The following SAMMSON variants were observed in gnomAD, a reference collection of about 807,000 sequenced individuals.
SAMMSON encodes the protein survival associated mitochondrial melanoma specific oncogenic non-coding RNA, also known as long intergenic non-protein coding RNA 1212.
At chr3:70,384,391 G>C (rs1703103375) in intron 9 of SAMMSON, among the ~76,000 whole-genome samples, 4 of 151,942 alleles carry the variant, frequency 2.6e-5, no homozygotes. Context: ...TTATAATATA[G>C]AACACTTTAG....
chr3:70,161,691 T>C (rs2067616205), intron 4 of SAMMSON, among the ~76,000 whole-genome samples: 1 of 151,868 alleles, frequency 6.6e-6, no homozygotes, highest in Admixed American at 6.6e-5. Flanking sequence ...CATAAAATGA[T>C]TTCAGAAGTT....
intron 1 of SAMMSON, among the ~76,000 whole-genome samples, chr3:70,003,547 C>A (rs2066914500): frequency 6.6e-6 from 1 of 151,748 alleles, no homozygotes; most frequent in South Asian, 2.1e-4. Flanking sequence ...AATATTAGGA[C>A]TTTTAACTTT....
chr3:70,295,277 C>T (rs980641114), intron 7 of SAMMSON, among the ~76,000 whole-genome samples: 5 of 152,128 alleles, frequency 3.3e-5, no homozygotes, highest in African/African-American at 4.8e-5. Context: ...TTATTTATAG[C>T]TTTGGAAACT....
At chr3:70,167,815 G>A (rs1187123908) in intron 4 of SAMMSON, among the ~76,000 whole-genome samples, 4 of 151,938 alleles carry the variant, frequency 2.6e-5, no homozygotes, top group Non-Finnish European at 5.9e-5. Context: ...ACAGCGATAG[G>A]CTTCATAGTA....
chr3:70,364,785 G>A (rs1259313974), intron 9 of SAMMSON, among the ~76,000 whole-genome samples: 2 of 151,512 alleles, frequency 1.3e-5, no homozygotes, highest in African/African-American at 4.8e-5. Flanking sequence ...CACCTTTTAT[G>A]TTTTTAATCT....
intron 4 of SAMMSON, among the ~76,000 whole-genome samples, chr3:70,154,456 A>C (rs1459651061): frequency 3.3e-5 from 5 of 151,996 alleles, no homozygotes; most frequent in African/African-American, 1.2e-4. Context: ...TAAGCACTGT[A>C]TTACATTGCC....
At chr3:70,111,092 A>G (rs899594448) in intron 4 of SAMMSON, among the ~76,000 whole-genome samples, 1 of 152,098 alleles carries the variant, frequency 6.6e-6, no homozygotes, top group African/African-American at 2.4e-5. Context: ...ATGATGTCCA[A>G]ATCCATTGGT....
At chr3:70,216,259 T>A (rs1239723978) in intron 4 of SAMMSON, among the ~76,000 whole-genome samples, 1 of 150,284 alleles carries the variant, frequency 6.7e-6, no homozygotes, top group Non-Finnish European at 1.5e-5. Context: ...CATAATTAGA[T>A]TAATAACAAA....
intron 4 of SAMMSON, among the ~76,000 whole-genome samples, chr3:70,112,435 GA>G (rs760437259): frequency 2.8e-4 from 43 of 152,182 alleles, no homozygotes; most frequent in Non-Finnish European, 5.4e-4. Flanking sequence ...GAGAAAAATG[GA>G]AACATTGGAA....
intron 4 of SAMMSON, among the ~76,000 whole-genome samples, chr3:70,076,903 A>G (rs570416370): frequency 1.3e-5 from 2 of 152,232 alleles, no homozygotes; most frequent in South Asian, 4.1e-4. Flanking sequence ...TCAGGGGCTG[A>G]AAAAAATTAT....
chr3:70,250,236 T>C (rs554197690), intron 6 of SAMMSON, among the ~76,000 whole-genome samples: 1 of 152,186 alleles, frequency 6.6e-6, no homozygotes, highest in African/African-American at 2.4e-5. Context: ...CTTCTCATCT[T>C]GTGCTGCTGA....
At chr3:70,339,597 A>G (rs1214937839) in intron 7 of SAMMSON, among the ~76,000 whole-genome samples, 2 of 152,226 alleles carry the variant, frequency 1.3e-5, no homozygotes, top group Non-Finnish European at 2.9e-5. Context: ...GGCGAAGGAT[A>G]TGAACAGATA....
chr3:70,134,666 G>T (rs7432363), intron 4 of SAMMSON, among the ~76,000 whole-genome samples: 1 of 151,916 alleles, frequency 6.6e-6, no homozygotes, highest in African/African-American at 2.4e-5. Flanking sequence ...CAGTAAAATA[G>T]AAAAACATTT....
chr3:70,211,818 C>A lies in SAMMSON; in HGVS notation n.508-37289C>A, dbSNP rs181743923. 6.4e-3 allele frequency among the ~76,000 whole-genome samples: 951 copies of A among 147,958 alleles called. 8 individuals carry two copies. Among genetic ancestry groups the A allele is most frequent in the Non-Finnish European group, 0.011 (733 of 66,954 alleles). On this transcript the variant is annotated intron_variant and non_coding_transcript_variant, in intron 4 of 9. Transcript: ENST00000642114. ...TTTTCCTTTCCTTACCCTTCCCTTC[C>A]CTTCCCTTTTTCCTTTTTCCTTTTC...
chr3:70,256,665 C>A (rs1199080613), intron 6 of SAMMSON, among the ~76,000 whole-genome samples: 3 of 152,190 alleles, frequency 2.0e-5, no homozygotes, highest in African/African-American at 7.2e-5. Flanking sequence ...TGCGTCCCTC[C>A]TTCCCTCCTT....
intron 2 of SAMMSON, among the ~76,000 whole-genome samples, chr3:70,398,012 C>T (rs536568565): frequency 1.3e-5 from 2 of 152,250 alleles, no homozygotes; most frequent in African/African-American, 4.8e-5. Context: ...ACTGAATCAT[C>T]TTGAATTTCC....
intron 4 of SAMMSON, among the ~76,000 whole-genome samples, chr3:70,208,255 TG>T (rs1701310601): frequency 6.6e-6 from 1 of 152,072 alleles, no homozygotes; most frequent in Non-Finnish European, 1.5e-5. Context: ...ACGCAATGCC[TG>T]GTTGGTTCAA....
At chr3:70,356,733 A>G (rs1330353170) in intron 8 of SAMMSON, among the ~76,000 whole-genome samples, 1 of 152,106 alleles carries the variant, frequency 6.6e-6, no homozygotes, top group Non-Finnish European at 1.5e-5. Context: ...CAGAAGTTAA[A>G]TTGATGTTTC....
rs1386480601 is a variant in SAMMSON at position 70,146,549 on chromosome 3, A to G, written n.507+74984A>G. ...ATGTAATCCACTAGATTAATAGCCT[A>G]AATAAGAAAATCCACATGAATATAT... On this transcript the variant is annotated intron_variant and non_coding_transcript_variant, in intron 4 of 9. Transcript: ENST00000642114. Among the ~76,000 whole-genome samples, 4 of 152,164 alleles carry G rather than the reference A, an allele frequency of 2.6e-5. No homozygotes were observed. The East Asian group carries it at 7.7e-4, about 29-fold the overall frequency.
Sources: gnomAD v4.1 joint callset for allele counts (sites outside exome capture counted in the v4.1 genomes callset) on GRCh38, gnomAD v4.1.1 for gene constraint, MANE v1.5 for transcripts, NCBI Gene and HGNC (gene_info 2026-07-23, HGNC 2026-07-21) for gene names.